The following TRAPPC11 variants were observed in gnomAD, a reference collection of about 807,000 sequenced individuals.
The protein encoded by TRAPPC11 is trafficking protein particle complex subunit 11.
In TRAPPC11, 104 loss-of-function variants were observed where a neutral mutation model predicts 151.2. The ratio of observed to expected loss-of-function variants is 0.69; its 90% CI spans 0.59 to 0.81. TRAPPC11 has a LOEUF of 0.81. TRAPPC11 is among the 30% of genes least tolerant of loss of function. The pLI is 0.00. For missense variants in TRAPPC11, 1,230 were observed against 1,349.6 expected (o/e 0.91, Z 1.39); for synonymous variants, 456 against 472.3 (o/e 0.97, Z 0.45).
In TRAPPC11 at chr4:183,697,514, A is replaced by G. The variant is rs1736594860; in HGVS notation, c.2640A>G (p.Val880=). The G allele has an allele frequency of 6.3e-7, 1 of 1,598,706 alleles. No homozygotes were observed. The highest frequency in any genetic ancestry group is 8.5e-7 in the Non-Finnish European group (1 of 1,176,730). The change falls in exon 24 of 30, where the codon GTA becomes GTG. Residue 880 remains valine, a synonymous_variant. Transcript: ENST00000334690. ...IVCKCHKDET[V]TIETVFPFDV... ...ACATTTTCTTGCAGGATGAAACTGT[A>G]ACAATTGAAACAGTCTTTCCATTTG...
intron 1 of TRAPPC11, among the ~76,000 whole-genome samples, chr4:183,663,335 G>A (rs1304333849): frequency 2.0e-5 from 3 of 152,134 alleles, no homozygotes; most frequent in Non-Finnish European, 2.9e-5. Flanking sequence ...CCGGGTTCAC[G>A]CCATTCTCCT....
At chr4:183,681,648 C>T (rs1036808039) in intron 10 of TRAPPC11, among the ~76,000 whole-genome samples, 5 of 151,732 alleles carry the variant, frequency 3.3e-5, no homozygotes, top group African/African-American at 7.3e-5. Context: ...GGTGTGGTGG[C>T]GGGGGCCTGT....
At chr4:183,692,781 G>A (rs777884662) in intron 19 of TRAPPC11, among the ~76,000 whole-genome samples, 179 bp from the exon 20 acceptor site, 1 of 152,146 alleles carries the variant, frequency 6.6e-6, no homozygotes, top group Non-Finnish European at 1.5e-5. Flanking sequence ...CCAGAGCGCA[G>A]TTAGTCTCTG....
chr4:183,688,037 CTT>C (rs1404204677), intron 18 of TRAPPC11, among the ~76,000 whole-genome samples: 1 of 152,186 alleles, frequency 6.6e-6, no homozygotes, highest in African/African-American at 2.4e-5. Context: ...AGATAATCAT[CTT>C]TTGATTACCC....
chr4:183,682,834 T>C lies in TRAPPC11; in HGVS notation c.1207+9T>C. On this transcript the variant is annotated intron_variant, in intron 11 of 29. Coordinates refer to ENST00000334690, the MANE Select transcript of TRAPPC11 (RefSeq NM_021942.6). Reference sequence around the variant, plus strand: ...GCGACAAGGAATACTAAGTAAATAATTTTTCCCTCTGTCCTTTCCTCTCAA... The same window carrying C: ...GCGACAAGGAATACTAAGTAAATAACTTTTCCCTCTGTCCTTTCCTCTCAA... 6.3e-7 allele frequency: 1 copy of C among 1,593,146 alleles called. No homozygotes were observed. Among genetic ancestry groups the C allele is most frequent in the Non-Finnish European group, 8.6e-7 (1 of 1,161,132 alleles).
rs755576255 is a variant in TRAPPC11, at chr4:183,682,793, A to G, written c.1175A>G (p.Tyr392Cys). 4 of 1,613,736 alleles carry G rather than the reference A, an allele frequency of 2.5e-6. No homozygotes were observed. Among genetic ancestry groups the G allele is most frequent in the Admixed American group, 1.7e-5 (1 of 60,016 alleles). Residue 392 changes from tyrosine (Y) to cysteine (C), a missense_variant, in exon 11 of 30, where the codon TAT (tyrosine) becomes TGT (cysteine). Physicochemically the swap from Tyr to Cys is radical, Grantham distance 194 (BLOSUM62 -2). Transcript: ENST00000334690. ...ACACAAACAGGCGTTCTTGACTTTT[A>G]TGGACAAAGATCATGGCGACAAGGA... ...LETQTGVLDF[Y>C]GQRSWRQGIL...
chr4:183,710,088 C>T (rs562241668), intron 29 of TRAPPC11, among the ~76,000 whole-genome samples: 2 of 152,130 alleles, frequency 1.3e-5, no homozygotes, highest in Non-Finnish European at 2.9e-5. Flanking sequence ...ACAGAAATAG[C>T]TTGTTTGAAA....
At chr4:183,697,442 T>TAA in intron 23 of TRAPPC11, 61 bp from the exon 24 acceptor site, 1 of 1,522,628 alleles carries the variant, frequency 6.6e-7, no homozygotes, top group East Asian at 2.3e-5. Flanking sequence ...TTGTGTTTTT[T>TAA]AAAACTTTAT....
intron 1 of TRAPPC11, among the ~76,000 whole-genome samples, chr4:183,663,327 G>C (rs927512738): frequency 6.6e-6 from 1 of 152,052 alleles, no homozygotes; most frequent in Non-Finnish European, 1.5e-5. Flanking sequence ...TCCACCTCCC[G>C]GGTTCACGCC....
Position 183,664,187 on chromosome 4 carries a change from A to G in TRAPPC11, c.204+116A>G, listed in dbSNP as rs559391661. 31 of 868,496 alleles carry G rather than the reference A, an allele frequency of 3.6e-5. No homozygotes were observed. In the African/African-American group the frequency reaches 4.2e-4, roughly 12 times the overall value. The allele number at this position is 868,496 out of a possible 1,614,324, so 53.8% of individuals were successfully genotyped here. A position where few individuals can be genotyped will look rare whatever the true frequency, so the allele number is the denominator to read the frequency against. On this transcript the variant is annotated intron_variant, in intron 2 of 29. Coordinates refer to ENST00000334690, the MANE Select transcript of TRAPPC11 (RefSeq NM_021942.6). ...ATCAAGACAGTGGTCACAGTGGTGCATAAAGAAAGCCTTAGGCATTTTCAT... is the reference window on the plus strand; with the variant it reads ...ATCAAGACAGTGGTCACAGTGGTGCGTAAAGAAAGCCTTAGGCATTTTCAT...
intron 10 of TRAPPC11, among the ~76,000 whole-genome samples, chr4:183,680,700 T>TTTTTTG (rs1735636000): frequency 1.3e-5 from 2 of 148,322 alleles, no homozygotes; most frequent in East Asian, 2.0e-4. Context: ...TTTTTTTTTT[T>TTTTTTG]GGAGATGGAG....
intron 11 of TRAPPC11, 21 bp from the exon 12 acceptor site, chr4:183,683,954 G>A (rs1393709818): frequency 6.2e-7 from 1 of 1,603,964 alleles, no homozygotes; most frequent in African/African-American, 1.3e-5. Context: ...TCTAAAATGA[G>A]TTGTGTCTCA....
chr4:183,698,811 G>A lies in TRAPPC11; in HGVS notation c.2851+976G>A, dbSNP rs189419964. On this transcript the variant is annotated intron_variant, in intron 25 of 29. Coordinates refer to ENST00000334690, the MANE Select transcript of TRAPPC11 (RefSeq NM_021942.6). The stretch of plus-strand genomic sequence containing the variant: ...CTGCATTCCCTCGTCCAGTTGGAGG[G>A]GTTGTCTGGTTGTAAGGGTTGTTGT... Among the ~76,000 whole-genome samples the A allele has an allele frequency of 2.5e-3, 388 of 152,230 alleles. 2 individuals carry two copies. Among genetic ancestry groups the A allele is most frequent in the African/African-American group, 8.4e-3 (349 of 41,510 alleles).
Position 183,693,743 on chromosome 4 carries a change from C to T in TRAPPC11, c.2386+6C>T. ...CACCGCTGGCTTAAAACCAGGTAAG[C>T]ATTCCTTTTTGTAAGTTTGATCAGT... On this transcript the variant is annotated splice_donor_region_variant and intron_variant, in intron 21 of 29. Coordinates refer to ENST00000334690, the MANE Select transcript of TRAPPC11 (RefSeq NM_021942.6). 6.2e-7 allele frequency: 1 copy of T among 1,612,404 alleles called. No homozygotes were observed. Among genetic ancestry groups the T allele is most frequent in the Non-Finnish European group, 8.5e-7 (1 of 1,179,454 alleles).
At chr4:183,685,535 T>A in intron 17 of TRAPPC11, 132 bp downstream of exon 17, 1 of 958,992 alleles carries the variant, frequency 1.0e-6, no homozygotes, top group Non-Finnish European at 1.5e-6. Flanking sequence ...GATAAACTGA[T>A]TTTTTTTTGT....
intron 1 of TRAPPC11, among the ~76,000 whole-genome samples, chr4:183,662,465 T>C (rs939716883): frequency 6.6e-6 from 1 of 152,096 alleles, no homozygotes; most frequent in Admixed American, 6.5e-5. Flanking sequence ...TATATACTTA[T>C]AAAGTCAGGG....
chr4:183,675,322 A>G, intron 7 of TRAPPC11, 85 bp downstream of exon 7: 2 of 791,522 alleles, frequency 2.5e-6, no homozygotes, highest in Non-Finnish European at 3.8e-6. Context: ...CAGCCAAAGT[A>G]TAATTAAGTT....
intron 21 of TRAPPC11, 76 bp from the exon 22 acceptor site, chr4:183,693,840 GT>G: frequency 6.3e-7 from 1 of 1,597,572 alleles, no homozygotes; most frequent in Non-Finnish European, 8.6e-7. Context: ...GTATGGCATA[GT>G]GCTCTTCACA....
At position 183,693,935 on chromosome 4, in the gene TRAPPC11, C is replaced by T. The variant is rs1413672292; in HGVS notation, c.2405C>T (p.Thr802Ile). 6.2e-7 allele frequency: 1 copy of T among 1,613,594 alleles called. No individual in the cohort carries two copies. Among genetic ancestry groups the T allele is most frequent in the East Asian group, 2.2e-5 (1 of 44,870 alleles). Residue 802 changes from threonine (T) to isoleucine (I), a missense_variant, in exon 22 of 30, where the codon ACT becomes ATT. Thr to Ile is a moderately conservative substitution (Grantham distance 89). Transcript: ENST00000334690. Reference protein sequence around the residue: ...GLKPGQDANLTQKTHVTLHGT... With the variant: ...GLKPGQDANLIQKTHVTLHGT... ...CTTTTAGGACAGGATGCCAATTTAA[C>T]TCAGAAGACTCACGTGACTCTTCAT... is the stretch of plus-strand genomic sequence containing the variant.
Sources: gnomAD v4.1 joint callset for allele counts (sites outside exome capture counted in the v4.1 genomes callset) on GRCh38, gnomAD v4.1.1 for gene constraint, MANE v1.5 for transcripts, NCBI Gene and HGNC (gene_info 2026-07-23, HGNC 2026-07-21) for gene names.